Variants in XKR4 observed in about 807,000 individuals in gnomAD.
The protein encoded by XKR4 is XK related 4.
In XKR4, 12 loss-of-function variants were observed where a neutral mutation model predicts 53.9. The ratio of observed to expected loss-of-function variants is 0.22; its 90% CI spans 0.14 to 0.36. The LOEUF (loss-of-function observed/expected upper bound fraction) is 0.36. Among genes scored for constraint, XKR4 ranks in the 10% least tolerant of loss-of-function variants. The pLI is 1.00. For synonymous variants in XKR4, 354 were observed against 362.4 expected (o/e 0.98, Z 0.26); for missense variants, 799 against 859.5 (o/e 0.93, Z 0.88).
chr8:55,346,685 A>G lies in XKR4; in HGVS notation c.807-10993A>G, dbSNP rs372249038. On this transcript the variant is annotated intron_variant, in intron 1 of 2. Transcript: ENST00000327381. ...ACAAAAACAGAAACCTGTTGAGGTTATGTGTGTGTGTGTGTGTGTGTGTGT... is the reference window on the plus strand; with the variant it reads ...ACAAAAACAGAAACCTGTTGAGGTTGTGTGTGTGTGTGTGTGTGTGTGTGT... 1.3e-3 allele frequency among the ~76,000 whole-genome samples: 176 copies of G among 138,474 alleles called. 1 individual carries two copies. The highest frequency in any genetic ancestry group is 4.3e-3 in the African/African-American group (157 of 36,540). The allele number at this position is 138,474 out of a possible 152,430, so 90.8% of individuals were successfully genotyped here. A position where few individuals can be genotyped will look rare whatever the true frequency, so the allele number is the denominator to read the frequency against.
intron 1 of XKR4, among the ~76,000 whole-genome samples, chr8:55,120,428 G>C (rs908039701): frequency 2.6e-5 from 4 of 151,958 alleles, no homozygotes; most frequent in Non-Finnish European, 1.5e-5. Flanking sequence ...GACTGGTCCA[G>C]GAAATTCAAA....
At chr8:55,304,636 C>G (rs1399090919) in intron 1 of XKR4, among the ~76,000 whole-genome samples, 3 of 152,128 alleles carry the variant, frequency 2.0e-5, no homozygotes, top group Non-Finnish European at 4.4e-5. Flanking sequence ...GAGTCTAAGT[C>G]TCTTTGTAGG....
At chr8:55,103,893 A>ATATG (rs1816100626) in intron 1 of XKR4, among the ~76,000 whole-genome samples, 1 of 124,256 alleles carries the variant, frequency 8.0e-6, no homozygotes, top group Non-Finnish European at 1.7e-5. Flanking sequence ...ATATATATAT[A>ATATG]TCCCCGAGCA....
At chr8:55,161,945 AGGCCTTTGATTT>A (rs1816991927) in intron 1 of XKR4, among the ~76,000 whole-genome samples, 1 of 152,204 alleles carries the variant, frequency 6.6e-6, no homozygotes, top group South Asian at 2.1e-4. Flanking sequence ...CTACCACCAC[AGGCCTTTGATTT>A]GCAGAAGAGC....
intron 2 of XKR4, among the ~76,000 whole-genome samples, chr8:55,475,385 TTTGTTGTTG>T (rs60246172): frequency 1.0e-4 from 15 of 149,460 alleles, no homozygotes; most frequent in African/African-American, 2.2e-4. Context: ...TTTTGCTTAT[TTTGTTGTTG>T]TTGTTGTTGT....
intron 1 of XKR4, among the ~76,000 whole-genome samples, chr8:55,320,163 T>G (rs1421097053): frequency 6.6e-6 from 1 of 152,224 alleles, no homozygotes; most frequent in Non-Finnish European, 1.5e-5. Flanking sequence ...TGTATTGATC[T>G]GAAAAACAGT....
chr8:55,163,191 G>A (rs1817010607), intron 1 of XKR4, among the ~76,000 whole-genome samples: 1 of 152,142 alleles, frequency 6.6e-6, no homozygotes, highest in Non-Finnish European at 1.5e-5. Flanking sequence ...TTAATTCTTT[G>A]AACTTAAGCC....
chr8:55,343,251 T>G (rs1412428510), intron 1 of XKR4, among the ~76,000 whole-genome samples: 7 of 152,196 alleles, frequency 4.6e-5, no homozygotes, highest in Non-Finnish European at 8.8e-5. Flanking sequence ...TAAAAACAGT[T>G]GAGAGCAAAT....
intron 1 of XKR4, among the ~76,000 whole-genome samples, chr8:55,348,757 T>C (rs1803688113): frequency 1.3e-5 from 2 of 150,004 alleles, no homozygotes; most frequent in South Asian, 4.2e-4. Context: ...GACAGAAAGA[T>C]ACAGAAATAG....
chr8:55,291,580 T>C (rs1423980486), intron 1 of XKR4, among the ~76,000 whole-genome samples: 1 of 152,212 alleles, frequency 6.6e-6, no homozygotes, highest in African/African-American at 2.4e-5. Flanking sequence ...GTACATTGTA[T>C]TAGGTTTACA....
chr8:55,384,720 A>T (rs940208914), intron 2 of XKR4, among the ~76,000 whole-genome samples: 3 of 152,246 alleles, frequency 2.0e-5, no homozygotes, highest in Non-Finnish European at 4.4e-5. Flanking sequence ...ATGATAGTAA[A>T]TGTAAGCTGT....
At chr8:55,395,087 A>T (rs2622543) in intron 2 of XKR4, among the ~76,000 whole-genome samples, 1 of 151,890 alleles carries the variant, frequency 6.6e-6, no homozygotes, top group Non-Finnish European at 1.5e-5. Context: ...AGGTAATGAG[A>T]CCTCTTGAAT....
At chr8:55,394,592 C>A (rs956821355) in intron 2 of XKR4, among the ~76,000 whole-genome samples, 1 of 152,184 alleles carries the variant, frequency 6.6e-6, no homozygotes, top group Non-Finnish European at 1.5e-5. Flanking sequence ...TATATACTGG[C>A]ATGGCGAAAT....
intron 2 of XKR4, chr8:55,521,036 G>T (rs1339511101): frequency 6.6e-6 from 1 of 152,266 alleles, no homozygotes; most frequent in Non-Finnish European, 1.5e-5. Context: ...TTTGGTTGGC[G>T]CGAGCCTGAC....
intron 1 of XKR4, among the ~76,000 whole-genome samples, chr8:55,230,344 T>C (rs1301080258): frequency 6.7e-6 from 1 of 150,194 alleles, no homozygotes; most frequent in Non-Finnish European, 1.5e-5. Flanking sequence ...GTGGCAATGA[T>C]TATGTTTAGA....
chr8:55,365,997 C>T (rs1025735931), intron 2 of XKR4, among the ~76,000 whole-genome samples: 5 of 152,304 alleles, frequency 3.3e-5, no homozygotes, highest in Non-Finnish European at 7.4e-5. Flanking sequence ...ATTCCGGCTG[C>T]GGAGGGCACA....
chr8:55,288,407 C>A (rs1314922309), intron 1 of XKR4, among the ~76,000 whole-genome samples: 3 of 152,158 alleles, frequency 2.0e-5, no homozygotes, highest in African/African-American at 4.8e-5. Context: ...CACTTAAGAA[C>A]TTTATGCTTA....
At chr8:55,172,665 C>G (rs557184104) in intron 1 of XKR4, among the ~76,000 whole-genome samples, 3 of 152,132 alleles carry the variant, frequency 2.0e-5, no homozygotes, top group Non-Finnish European at 4.4e-5. Context: ...ACATGTATGA[C>G]ATTACCAAAT....
chr8:55,323,019 T>G (rs560932240), intron 1 of XKR4, among the ~76,000 whole-genome samples: 1 of 152,214 alleles, frequency 6.6e-6, no homozygotes, highest in Non-Finnish European at 1.5e-5. Context: ...CAGTATGATG[T>G]TTTCTGTAAG....
Sources: gnomAD v4.1 joint callset for allele counts (sites outside exome capture counted in the v4.1 genomes callset) on GRCh38, gnomAD v4.1.1 for gene constraint, MANE v1.5 for transcripts, NCBI Gene and HGNC (gene_info 2026-07-23, HGNC 2026-07-21) for gene names.